TUSC3: variants seen among roughly 807,000 people sequenced by gnomAD.
TUSC3 encodes the protein tumor suppressor candidate 3, also known as dolichyl-diphosphooligosaccharide--protein glycosyltransferase subunit TUSC3.
TUSC3 carries 45 observed loss-of-function variants against 44.8 expected under a neutral mutation model. The observed-to-expected ratio is 1.00, with a 90% CI of 0.79 to 1.29. The LOEUF is 1.29. TUSC3 is among the 50% of genes most tolerant of loss of function. TUSC3 has a pLI of 0.00. For missense variants in TUSC3, 519 were observed against 437.9 expected (o/e 1.19, Z -1.65); for synonymous variants, 212 against 152.9 (o/e 1.39, Z -2.85).
At chr8:15,523,523 G>C (rs940092348) in intron 2 of TUSC3, among the ~76,000 whole-genome samples, 3 of 151,250 alleles carry the variant, frequency 2.0e-5, no homozygotes, top group African/African-American at 7.3e-5. Context: ...CACCCATCAA[G>C]GTATTGTGTT....
chr8:15,661,842 A>G (rs2129179906), intron 4 of TUSC3, among the ~76,000 whole-genome samples: 1 of 152,156 alleles, frequency 6.6e-6, no homozygotes, highest in Non-Finnish European at 1.5e-5. Flanking sequence ...ACTTAAAAAG[A>G]GAAAACCCAA....
the TUSC3 span, among the ~76,000 whole-genome samples, chr8:15,780,666 A>G: frequency 1.3e-5 from 2 of 152,108 alleles, no homozygotes; most frequent in African/African-American, 4.8e-5. Context: ...CCCGAGTAGG[A>G]CCTGGGCACT....
At chr8:15,642,599 T>G (rs1261881720) in intron 2 of TUSC3, among the ~76,000 whole-genome samples, 4 of 152,164 alleles carry the variant, frequency 2.6e-5, no homozygotes, top group African/African-American at 9.6e-5. Context: ...CTTTACCACA[T>G]GAAGCTGAAG....
chr8:15,758,340 G>A (rs547378767), intron 10 of TUSC3: 2 of 685,296 alleles, frequency 2.9e-6, no homozygotes, highest in Admixed American at 6.4e-5. Context: ...CAGATAGTAG[G>A]TACTTTATTT....
At chr8:15,536,776 T>TTGG (rs1801529750), upstream of TUSC3, among the ~76,000 whole-genome samples, 2 of 134,350 alleles carry the variant, frequency 1.5e-5, no homozygotes, top group Non-Finnish European at 3.1e-5. Flanking sequence ...GTATGGGAGG[T>TTGG]TGGTGAGATT....
intron 1 of TUSC3, among the ~76,000 whole-genome samples, chr8:15,447,410 A>T (rs1292161449): frequency 6.6e-6 from 1 of 152,206 alleles, no homozygotes; most frequent in African/African-American, 2.4e-5. Context: ...ACATTAATGG[A>T]GATTAAAGAC....
intron 1 of TUSC3, among the ~76,000 whole-genome samples, chr8:15,458,793 T>G (rs1211150188): frequency 2.0e-5 from 3 of 152,162 alleles, no homozygotes; most frequent in Non-Finnish European, 2.9e-5. Context: ...GAACCATCAG[T>G]TTATCTTTGC....
intron 2 of TUSC3, among the ~76,000 whole-genome samples, chr8:15,523,229 G>A (rs1241865761): frequency 6.6e-6 from 1 of 152,108 alleles, no homozygotes; most frequent in Non-Finnish European, 1.5e-5. Context: ...TTGAGGTATT[G>A]CCCAATGCAT....
intron 6 of TUSC3, among the ~76,000 whole-genome samples, chr8:15,722,406 C>T (rs1456198379): frequency 6.6e-6 from 1 of 151,948 alleles, no homozygotes; most frequent in Non-Finnish European, 1.5e-5. Context: ...AGCATGGGGT[C>T]ACAGTTAACC....
At chr8:15,816,198 T>G in the TUSC3 span, among the ~76,000 whole-genome samples, 1 of 152,156 alleles carries the variant, frequency 6.6e-6, no homozygotes, top group Non-Finnish European at 1.5e-5. Context: ...TCTTTATTAA[T>G]GAGTCAGATT....
At chr8:15,420,576 C>T (rs946558697) in intron 1 of TUSC3, among the ~76,000 whole-genome samples, 5 of 147,322 alleles carry the variant, frequency 3.4e-5, no homozygotes, top group African/African-American at 1.3e-4. Flanking sequence ...CTAACAGTAC[C>T]ATTTTTGTCT....
rs59454484 is a variant in TUSC3, at chr8:15,654,768, G to A, written c.426+3954G>A. On this transcript the variant is annotated intron_variant, in intron 3 of 10. Transcript: ENST00000503731. The stretch of plus-strand genomic sequence containing the variant: ...GCCGAGATCGTGCCATTGCCCTCCA[G>A]CCTGGGTGACACAGCAAGACTCCAT... Among the ~76,000 whole-genome samples, 1,459 of 152,110 alleles carry A rather than the reference G, an allele frequency of 9.6e-3. 23 individuals are homozygous for A. Among genetic ancestry groups the A allele is most frequent in the African/African-American group, 0.034 (1,412 of 41,500 alleles).
At chr8:15,457,095 C>G (rs1344450371) in intron 1 of TUSC3, among the ~76,000 whole-genome samples, 1 of 144,934 alleles carries the variant, frequency 6.9e-6, no homozygotes, top group African/African-American at 2.6e-5. Context: ...CGTGTTCTCA[C>G]TCATAGGTGG....
intron 1 of TUSC3, among the ~76,000 whole-genome samples, chr8:15,548,028 A>G (rs184503036): frequency 2.0e-5 from 3 of 151,436 alleles, no homozygotes; most frequent in East Asian, 3.9e-4. Context: ...GAAGATAGCA[A>G]TGTGAGCAAT....
chr8:15,418,638 T>C (rs35709193), intron 1 of TUSC3, among the ~76,000 whole-genome samples: 2 of 152,142 alleles, frequency 1.3e-5, no homozygotes, highest in Non-Finnish European at 1.5e-5. Flanking sequence ...ATCGGTCAGA[T>C]GAAATTGAAG....
chr8:15,768,242 A>C (rs551141693), downstream of TUSC3, among the ~76,000 whole-genome samples: 3 of 152,322 alleles, frequency 2.0e-5, no homozygotes, highest in East Asian at 3.9e-4. Flanking sequence ...ATAAATACAC[A>C]GACAACATGT....
chr8:15,603,085 C>G (rs528126058), intron 1 of TUSC3, among the ~76,000 whole-genome samples: 167 of 151,418 alleles, frequency 1.1e-3, no homozygotes, highest in Non-Finnish European at 2.1e-3. Context: ...ATTGATATGT[C>G]AAGTCCTAGA....
At chr8:15,720,104 G>C (rs1810236591) in intron 6 of TUSC3, among the ~76,000 whole-genome samples, 1 of 151,924 alleles carries the variant, frequency 6.6e-6, no homozygotes, top group Non-Finnish European at 1.5e-5. Context: ...TGTAGAGACA[G>C]TGAGTGTCTC....
chr8:15,572,584 C>A (rs749251818), intron 1 of TUSC3, among the ~76,000 whole-genome samples: 1 of 152,110 alleles, frequency 6.6e-6, no homozygotes, highest in African/African-American at 2.4e-5. Context: ...TCTAACTGTT[C>A]GGTGCAAGAG....
Sources: allele counts gnomAD v4.1 joint callset (sites outside exome capture counted in the v4.1 genomes callset), GRCh38; gene constraint gnomAD v4.1.1; transcripts MANE v1.5; gene names NCBI Gene and HGNC (gene_info 2026-07-23, HGNC 2026-07-21).